Variants in CCDC77 observed in about 807,000 individuals in gnomAD.
CCDC77 encodes coiled-coil domain-containing protein 77.
A neutral mutation model predicts 66.8 loss-of-function variants in CCDC77; 56 were observed. That is an observed-to-expected ratio of 0.84 (90% CI 0.68 to 1.05). CCDC77 has a LOEUF of 1.05. Among genes scored for constraint, CCDC77 ranks in the 50% least tolerant of loss-of-function variants. The probability of loss-of-function intolerance (pLI) is 0.00; values close to 1 mark genes in which losing one functional copy is unlikely to be tolerated. For missense variants in CCDC77, 570 were observed against 576.8 expected (o/e 0.99, Z 0.12); for synonymous variants, 196 against 195.2 (o/e 1.00, Z -0.03).
chr12:406,609 T>G (rs551446127), intron 2 of CCDC77, among the ~76,000 whole-genome samples: 1 of 152,158 alleles, frequency 6.6e-6, no homozygotes, highest in African/African-American at 2.4e-5. Context: ...TTGACACATA[T>G]ATATTAATGT....
At chr12:440,245 T>C (rs915259876) in intron 10 of CCDC77, among the ~76,000 whole-genome samples, 2 of 152,212 alleles carry the variant, frequency 1.3e-5, no homozygotes, top group East Asian at 1.9e-4. Flanking sequence ...TTTTAACTGC[T>C]CAATAGGGCA....
At chr12:401,309 G>A (rs1209368273), upstream of CCDC77, among the ~76,000 whole-genome samples, 1 of 152,182 alleles carries the variant, frequency 6.6e-6, no homozygotes, top group African/African-American at 2.4e-5. Context: ...TACCATGAAC[G>A]CGAAGTACCT....
intron 1 of CCDC77, among the ~76,000 whole-genome samples, chr12:403,513 A>G (rs1034255068): frequency 6.6e-6 from 1 of 152,172 alleles, no homozygotes; most frequent in Admixed American, 6.5e-5. Flanking sequence ...TATTTTTTCC[A>G]GGTAAGGTCT....
chr12:411,825 A>G lies in CCDC77; in HGVS notation c.117A>G (p.Ser39=). 2 of 1,614,108 alleles carry G rather than the reference A, an allele frequency of 1.2e-6. No homozygotes were observed. The highest frequency in any genetic ancestry group is 2.7e-5 in the African/African-American group (2 of 75,022). The change falls in exon 4 of 13, where the codon TCA becomes TCG. Residue 39 remains serine (S), a synonymous_variant. Transcript: ENST00000239830. ...GGGGAATGGCAGATTCACTGGAGTC[A>G]ACCCCCTTGCCTTCCCCCGAAGATC... is the stretch of plus-strand genomic sequence containing the variant. ...KRRGMADSLE[S]TPLPSPEDRL...
chr12:411,483 AT>A (rs918586427), intron 3 of CCDC77, among the ~76,000 whole-genome samples: 231 of 141,314 alleles, frequency 1.6e-3, no homozygotes, highest in Non-Finnish European at 1.4e-3. Context: ...CCCGGCCAAG[AT>A]TTTTTTTTTT....
At chr12:417,105 C>T (rs575123904) in intron 4 of CCDC77, among the ~76,000 whole-genome samples, 38 of 147,008 alleles carry the variant, frequency 2.6e-4, no homozygotes, top group Middle Eastern at 3.6e-3. Context: ...TGCATTCCAG[C>T]CTGGACGACA....
chr12:409,629 A>G (rs10744627), intron 3 of CCDC77: 417,716 of 560,784 alleles, frequency 0.74, 157,053 homozygotes, highest in East Asian at 0.84. Context: ...CAATCCTCCC[A>G]CCTCAGCCTC....
intron 4 of CCDC77, among the ~76,000 whole-genome samples, chr12:414,955 T>G (rs539255178): frequency 6.6e-6 from 1 of 152,252 alleles, no homozygotes; most frequent in South Asian, 2.1e-4. Context: ...ATATTTGTAC[T>G]TGTCCAAATT....
At chr12:411,368 C>T (rs939282966) in intron 3 of CCDC77, among the ~76,000 whole-genome samples, 9 of 151,886 alleles carry the variant, frequency 5.9e-5, no homozygotes, top group South Asian at 2.1e-4. Flanking sequence ...TTGGTAGAGA[C>T]GGGGTTTCAC....
At chr12:411,711 G>A (rs984790017) in intron 3 of CCDC77, 36 bp from the exon 4 acceptor site, 14 of 1,530,542 alleles carry the variant, frequency 9.1e-6, no homozygotes, top group African/African-American at 2.8e-5. Flanking sequence ...AACTTTCGCA[G>A]AGTGTGATGA....
chr12:436,156 C>T (rs1263731459), intron 9 of CCDC77, among the ~76,000 whole-genome samples: 3 of 125,616 alleles, frequency 2.4e-5, no homozygotes, highest in East Asian at 4.9e-4. Context: ...CTCGCTGTGT[C>T]GTCCAGGCTG....
At chr12:392,271 C>T (rs191285217) in intron 1 of CCDC77, among the ~76,000 whole-genome samples, 14 of 152,098 alleles carry the variant, frequency 9.2e-5, no homozygotes, top group Non-Finnish European at 1.5e-4. Context: ...TTGGCTAGAC[C>T]GTGGTCCCTG....
chr12:394,707 T>C (rs531780028), intron 1 of CCDC77, among the ~76,000 whole-genome samples: 19 of 152,326 alleles, frequency 1.2e-4, no homozygotes, highest in Admixed American at 3.9e-4. Context: ...GAGAGAGTGA[T>C]GAATTGGAGA....
chr12:416,047 C>G (rs1565568697), intron 4 of CCDC77, among the ~76,000 whole-genome samples: 1 of 151,726 alleles, frequency 6.6e-6, no homozygotes, highest in Non-Finnish European at 1.5e-5. Flanking sequence ...CACAGATGAC[C>G]CATCTGGCTC....
Position 428,789 on chromosome 12 carries a change from A to G in CCDC77, c.434A>G (p.Lys145Arg), listed in dbSNP as rs766015581. The G allele has an allele frequency of 3.1e-6, 5 of 1,611,352 alleles. No individual in the cohort carries two copies. The Admixed American group carries it at 8.4e-5, about 27-fold the overall frequency. The part of the protein sequence containing the change: ...LRIRELEDKK[K>R]IQNLLALVGT... ...TGCAGGGAGCTAGAAGACAAGAAAA[A>G]GATTCAGAATCTCTTGGCTCTTGTG... The change falls in exon 6 of 13, where the codon AAG (lysine) becomes AGG (arginine). Residue 145 changes from lysine (K) to arginine (R), a missense_variant. By Grantham distance (26) the Lys-to-Arg change is conservative (BLOSUM62 2). Coordinates refer to ENST00000239830, the MANE Select transcript of CCDC77 (RefSeq NM_032358.4).
At chr12:426,629 T>G (rs1945537382) in intron 5 of CCDC77, among the ~76,000 whole-genome samples, 1 of 152,184 alleles carries the variant, frequency 6.6e-6, no homozygotes, top group African/African-American at 2.4e-5. Context: ...TTTTAAGCAT[T>G]TGGGAACTGA....
At chr12:406,966 G>A (rs1298550047) in intron 2 of CCDC77, among the ~76,000 whole-genome samples, 2 of 152,240 alleles carry the variant, frequency 1.3e-5, no homozygotes, top group South Asian at 2.1e-4. Flanking sequence ...AAAGTGGAAC[G>A]AGGAGACCAG....
chr12:437,967 G>A (rs750560270), intron 9 of CCDC77, among the ~76,000 whole-genome samples: 17 of 151,616 alleles, frequency 1.1e-4, no homozygotes, highest in Non-Finnish European at 2.4e-4. Flanking sequence ...TATAGAATTT[G>A]TATTAACTTG....
intron 9 of CCDC77, among the ~76,000 whole-genome samples, chr12:435,328 T>C (rs1214010533): frequency 6.6e-6 from 1 of 151,970 alleles, no homozygotes; most frequent in Non-Finnish European, 1.5e-5. Context: ...CGTTTCCAAA[T>C]GCTCCCATCC....
Sources: gnomAD v4.1 joint callset for allele counts (sites outside exome capture counted in the v4.1 genomes callset) on GRCh38, gnomAD v4.1.1 for gene constraint, MANE v1.5 for transcripts, NCBI Gene and HGNC (gene_info 2026-07-23, HGNC 2026-07-21) for gene names.